KDSR: variants seen among roughly 807,000 people sequenced by gnomAD.
The protein encoded by KDSR is 3-dehydrosphinganine reductase.
In KDSR, 23 loss-of-function variants were observed where a neutral mutation model predicts 41.3. That is an observed-to-expected ratio of 0.56 (90% confidence interval 0.40 to 0.79). The LOEUF (loss-of-function observed/expected upper bound fraction) is 0.79. Among genes scored for constraint, KDSR ranks in the 30% least tolerant of loss-of-function variants. KDSR has a pLI of 0.00. For missense variants in KDSR, 351 were observed against 416.8 expected, an observed-to-expected ratio of 0.84 and a Z score of 1.37; for synonymous variants, 138 against 151.7, an observed-to-expected ratio of 0.91 and a Z score of 0.66.
chr18:63,359,746 T>G lies in KDSR; in HGVS notation c.245A>C (p.Asn82Thr). 6.2e-7 allele frequency: 1 copy of G among 1,603,586 alleles called. No individual in the cohort carries two copies. Among genetic ancestry groups the G allele is most frequent in the South Asian group, 1.1e-5 (1 of 90,862 alleles). ...AKKEIEMHSINDKQVVLCISV... is the reference protein window; with the variant it reads ...AKKEIEMHSITDKQVVLCISV... ...AAGACAGAGATTTACCTGTTTGTCA[T>G]TAATAGAGTGCATTTCAATTTCTTT... is the stretch of plus-strand genomic sequence containing the variant. Residue 82 changes from asparagine (N) to threonine (T), a missense_variant, in exon 3 of 10, where the codon AAT (asparagine) becomes ACT (threonine). Asn to Thr is a moderately conservative substitution (Grantham distance 65, BLOSUM62 0). Transcript: ENST00000645214.
intron 3 of KDSR, among the ~76,000 whole-genome samples, chr18:63,357,344 G>C (rs1445620956): frequency 6.6e-6 from 1 of 151,812 alleles, no homozygotes. Context: ...AGAGAATACT[G>C]AAAGCTTTTC....
chr18:63,351,217 GA>G, intron 5 of KDSR, 138 bp from the exon 6 acceptor site: 1 of 618,416 alleles, frequency 1.6e-6, no homozygotes, highest in Admixed American at 3.2e-5. Context: ...CTGAATGAAT[GA>G]ATGATGACAT....
chr18:63,337,929 AAAAC>A (rs1056578988), intron 8 of KDSR, among the ~76,000 whole-genome samples: 21 of 152,318 alleles, frequency 1.4e-4, no homozygotes, highest in Admixed American at 2.0e-4. Context: ...ACTCCGTCTC[AAAAC>A]AAACAAACAA....
intron 2 of KDSR, among the ~76,000 whole-genome samples, chr18:63,361,047 A>T (rs1300271387): frequency 1.5e-5 from 2 of 135,850 alleles, no homozygotes; most frequent in Non-Finnish European, 3.1e-5. Context: ...AAAAATATAT[A>T]TTTTATATAT....
At chr18:63,351,952 T>G (rs1053207595) in intron 5 of KDSR, among the ~76,000 whole-genome samples, 33 of 152,052 alleles carry the variant, frequency 2.2e-4, no homozygotes, top group African/African-American at 7.5e-4. Flanking sequence ...TCCAGCTAAT[T>G]TTTGTATTTT....
At chr18:63,347,270 G>A (rs750863141) in intron 6 of KDSR, among the ~76,000 whole-genome samples, 3 of 152,052 alleles carry the variant, frequency 2.0e-5, no homozygotes, top group Admixed American at 6.5e-5. Context: ...TTGGGAGGCC[G>A]AGGCAGGCAG....
At position 63,331,910 on chromosome 18, in the gene KDSR, T is replaced by C. The variant is rs771342331; in HGVS notation, c.880-9A>G. On this transcript the variant is annotated splice_polypyrimidine_tract_variant and intron_variant, in intron 9 of 9. Coordinates refer to ENST00000645214, the MANE Select transcript of KDSR (RefSeq NM_002035.4). Reference sequence around the variant, plus strand: ...AGGCCCATGGTGACCACCTGCAAGATAAAGAGAGAGCTTTTAGTGCATCCA... The same window carrying C: ...AGGCCCATGGTGACCACCTGCAAGACAAAGAGAGAGCTTTTAGTGCATCCA... 4.3e-6 allele frequency: 7 copies of C among 1,612,864 alleles called. No individual in the cohort carries two copies. In the African/African-American group the frequency reaches 6.7e-5, roughly 15 times the overall value.
At position 63,351,079 on chromosome 18, in the gene KDSR, T is replaced by G; in HGVS notation, c.418A>C (p.Arg140=). 6.2e-7 allele frequency: 1 copy of G among 1,608,992 alleles called. No homozygotes were observed. The highest frequency in any genetic ancestry group is 8.5e-7 in the Non-Finnish European group (1 of 1,177,496). Residue 140 remains arginine, a splice_region_variant and synonymous_variant, in exon 6 of 10, where the codon AGG becomes CGG. Coordinates refer to ENST00000645214, the MANE Select transcript of KDSR (RefSeq NM_002035.4). Reference sequence around the variant, plus strand: ...CCCAGGTAATTGATGCTCATTAACCTCTGCAGGGAACAAAGAGGCCACATG... The same window carrying G: ...CCCAGGTAATTGATGCTCATTAACCGCTGCAGGGAACAAAGAGGCCACATG... ...FEDLEVSTFE[R]LMSINYLGSV... is the part of the protein sequence containing the mutation.
intron 9 of KDSR, among the ~76,000 whole-genome samples, chr18:63,334,090 G>A (rs189085056): frequency 1.3e-5 from 2 of 152,354 alleles, no homozygotes; most frequent in East Asian, 1.9e-4. Context: ...AACAAGAGGT[G>A]TGGGCCTGGT....
intron 7 of KDSR, among the ~76,000 whole-genome samples, chr18:63,344,014 A>C (rs1252346017): frequency 6.6e-6 from 1 of 152,100 alleles, no homozygotes; most frequent in Non-Finnish European, 1.5e-5. Context: ...CCATCTCTAC[A>C]AAAAAATTAA....
intron 3 of KDSR, among the ~76,000 whole-genome samples, chr18:63,358,367 T>C (rs1429601363): frequency 6.6e-6 from 1 of 152,040 alleles, no homozygotes; most frequent in Non-Finnish European, 1.5e-5. Flanking sequence ...GAGGAAAACA[T>C]TCTAAAATTG....
intron 5 of KDSR, among the ~76,000 whole-genome samples, chr18:63,353,241 G>A (rs968994180): frequency 1.3e-5 from 2 of 151,994 alleles, no homozygotes; most frequent in Non-Finnish European, 1.5e-5. Context: ...GAACGCCTGT[G>A]TTTACTTTGG....
At chr18:63,338,923 G>A (rs1177035824) in intron 7 of KDSR, 40 bp from the exon 8 acceptor site, 2 of 1,115,602 alleles carry the variant, frequency 1.8e-6, no homozygotes, top group Non-Finnish European at 2.6e-6. Context: ...TATCATGATT[G>A]CCCATTACAT....
chr18:63,338,698 A>T (rs879343758), intron 8 of KDSR, 102 bp downstream of exon 8: 11 of 791,504 alleles, frequency 1.4e-5, no homozygotes, highest in Non-Finnish European at 2.3e-5. Context: ...AGACTAAAAA[A>T]TTCTAATAAT....
At chr18:63,332,699 G>A (rs921574264) in intron 9 of KDSR, among the ~76,000 whole-genome samples, 3 of 152,078 alleles carry the variant, frequency 2.0e-5, no homozygotes, top group Admixed American at 2.0e-4. Context: ...GCGTGTGGCG[G>A]TGTGCGCCTG....
At chr18:63,349,139 T>C (rs1914594632) in intron 6 of KDSR, among the ~76,000 whole-genome samples, 1 of 152,188 alleles carries the variant, frequency 6.6e-6, no homozygotes, top group Non-Finnish European at 1.5e-5. Flanking sequence ...CCCAGCACTT[T>C]GGGAGGCTAA....
Position 63,351,008 on chromosome 18 carries a change from G to A in KDSR, c.489C>T (p.Arg163=). ...ACACAAACACGATCCTGCCCACCCG[G>A]CGCTCCTTCATGGTGGTGATCACGG... ...SRAVITTMKE[R]RVGRIVFVSS... Residue 163 remains arginine (R), a synonymous_variant, in exon 6 of 10, where the codon CGC becomes CGT. Coordinates refer to ENST00000645214, the MANE Select transcript of KDSR (RefSeq NM_002035.4). The A allele has an allele frequency of 1.2e-6, 2 of 1,614,172 alleles. No homozygotes were observed. The highest frequency in any genetic ancestry group is 8.5e-7 in the Non-Finnish European group (1 of 1,180,028).
At position 63,348,492 on chromosome 18, in the gene KDSR, T is replaced by C. The variant is rs527716380; in HGVS notation, c.609+2396A>G. The stretch of plus-strand genomic sequence containing the variant: ...CAAGTTCTACTACGAACAAACTACA[T>C]TTTGATGACTGCGTTCGTTTTCCCC... On this transcript the variant is annotated intron_variant, in intron 6 of 9. Transcript: ENST00000645214. Among the ~76,000 whole-genome samples the C allele has an allele frequency of 3.9e-5, 6 of 152,294 alleles. No homozygotes were observed. The South Asian group carries it at 1.0e-3, about 26-fold the overall frequency.
intron 9 of KDSR, 119 bp from the exon 10 acceptor site, chr18:63,332,020 T>C: frequency 9.7e-7 from 1 of 1,036,226 alleles, no homozygotes; most frequent in Non-Finnish European, 1.4e-6. Flanking sequence ...AGGATGAATA[T>C]AATGAAAACT....
Sources: allele counts gnomAD v4.1 joint callset (sites outside exome capture counted in the v4.1 genomes callset), GRCh38; gene constraint gnomAD v4.1.1; transcripts MANE v1.5; gene names NCBI Gene and HGNC (gene_info 2026-07-23, HGNC 2026-07-21).